ANPEP: variants seen among roughly 807,000 people sequenced by gnomAD.
The protein encoded by ANPEP is aminopeptidase N.
In ANPEP, 70 loss-of-function variants were observed where a neutral mutation model predicts 114.6. The ratio of observed to expected loss-of-function variants is 0.61; its 90% CI spans 0.50 to 0.75. ANPEP has a LOEUF of 0.75. Among genes scored for constraint, ANPEP ranks in the 30% least tolerant of loss-of-function variants. The probability of loss-of-function intolerance (pLI) is 0.00; values close to 1 mark genes in which losing one functional copy is unlikely to be tolerated. For synonymous variants in ANPEP, 548 were observed against 522.3 expected, an observed-to-expected ratio of 1.05 and a Z score of -0.67; for missense variants, 1,184 against 1,259.5, an observed-to-expected ratio of 0.94 and a Z score of 0.91.
rs535852628 is a variant in ANPEP, at chr15:89,804,007, G to A, written c.1180-5C>T. 8.7e-6 allele frequency: 14 copies of A among 1,613,372 alleles called. No individual in the cohort carries two copies. The Admixed American group carries it at 1.5e-4, about 17-fold the overall frequency. On this transcript the variant is annotated splice_region_variant and splice_polypyrimidine_tract_variant and intron_variant, in intron 6 of 20. Transcript: ENST00000300060. ...GGTCACCAGGTTCCCGAACCACTGT[G>A]GGGGGAGGGGTCAGCTGGGCAAGCC...
Position 89,792,202 on chromosome 15 carries a change from C to G in ANPEP, c.2486G>C (p.Arg829Pro), listed in dbSNP as rs375147227. The change falls in exon 18 of 21, where the codon CGG becomes CCG. Residue 829 changes from arginine to proline, a missense_variant. Transcript: ENST00000300060. The part of the protein sequence containing the change: ...ATLVNEADKL[R>P]AALACSKELW... ...CTCTTTGCTGCAGGCCAGGGCTGCC[C>G]GGAGCTTGTCAGCCTCATTGACCAG... 1 of 1,614,190 alleles carries G rather than the reference C, an allele frequency of 6.2e-7. No homozygotes were observed.
chr15:89,803,320 G>T lies in ANPEP; in HGVS notation c.1504-16C>A, dbSNP rs773008647. ...GGAGGTAGGACTGTGGAAAGACGGGGCACAGTGAGAGCACAGCTGGAGCCC... is the reference window on the plus strand; with the variant it reads ...GGAGGTAGGACTGTGGAAAGACGGGTCACAGTGAGAGCACAGCTGGAGCCC... On this transcript the variant is annotated splice_polypyrimidine_tract_variant and intron_variant, in intron 9 of 20. Coordinates refer to ENST00000300060, the MANE Select transcript of ANPEP (RefSeq NM_001150.3). The surrounding 1 kb of genome is among the most constrained non-coding windows in gnomAD (Gnocchi z 4.2). The T allele has an allele frequency of 4.3e-6, 7 of 1,613,862 alleles. No individual in the cohort carries two copies. The highest frequency in any genetic ancestry group is 2.7e-5 in the African/African-American group (2 of 74,932).
intron 1 of ANPEP, among the ~76,000 whole-genome samples, chr15:89,813,575 C>T (rs867434886): frequency 1.9e-4 from 29 of 152,222 alleles, no homozygotes; most frequent in Middle Eastern, 3.4e-3. Flanking sequence ...GCCTCATGGG[C>T]CCAGCACACC....
At chr15:89,789,780 A>AAAAAAAAG (rs1968581692) in intron 20 of ANPEP, among the ~76,000 whole-genome samples, 1 of 150,830 alleles carries the variant, frequency 6.6e-6, no homozygotes. Flanking sequence ...AGTCTCAAAA[A>AAAAAAAAG]AAAAAAAAAG....
chr15:89,795,569 T>G (rs1210044763), intron 15 of ANPEP, among the ~76,000 whole-genome samples: 1 of 152,048 alleles, frequency 6.6e-6, no homozygotes, highest in Non-Finnish European at 1.5e-5. Flanking sequence ...TAACTGGAAA[T>G]AAGAATGGCT....
chr15:89,797,382 G>T, intron 15 of ANPEP, 193 bp downstream of exon 15: 2 of 750,704 alleles, frequency 2.7e-6, no homozygotes, highest in Non-Finnish European at 4.0e-6. Flanking sequence ...TGTCCCTCCG[G>T]CTCGCTCTTT....
In ANPEP at chr15:89,814,425, C is replaced by T. The variant is rs569223791; in HGVS notation, c.-224+347G>A. The stretch of plus-strand genomic sequence containing the variant: ...GTGGCCGCGGCCGAGCCGGGTCCAC[C>T]CGCCGCAGCTTAGCTCCGCTCCGCC... On this transcript the variant is annotated intron_variant, in intron 1 of 20. Transcript: ENST00000300060. 2.0e-5 allele frequency among the ~76,000 whole-genome samples: 3 copies of T among 152,306 alleles called. No individual in the cohort carries two copies. The East Asian group carries it at 5.8e-4, about 30-fold the overall frequency.
intron 18 of ANPEP, among the ~76,000 whole-genome samples, chr15:89,791,606 T>A (rs1968628807): frequency 6.6e-6 from 1 of 151,514 alleles, no homozygotes; most frequent in Non-Finnish European, 1.5e-5. Context: ...CCTATTTTTT[T>A]TTTTTTTTTG....
At chr15:89,796,484 CTT>C (rs35626130) in intron 15 of ANPEP, among the ~76,000 whole-genome samples, 7 of 148,950 alleles carry the variant, frequency 4.7e-5, no homozygotes, top group East Asian at 3.9e-4. Flanking sequence ...GATAATTGAA[CTT>C]TTTTTTTTTC....
In ANPEP at chr15:89,792,032, GAAA is replaced by G; in HGVS notation, c.2528+125_2528+127del. ...CTTCCAGTCTGCACCGGTTACTTTG[GAAA>G]TACTGCCTCCACCTCAACAGGTCTG... On this transcript the variant is annotated intron_variant, in intron 18 of 20. Coordinates refer to ENST00000300060, the MANE Select transcript of ANPEP (RefSeq NM_001150.3). The G allele has an allele frequency of 6.1e-6, 7 of 1,149,628 alleles. No individual in the cohort carries two copies. In the South Asian group the frequency reaches 1.1e-4, roughly 18 times the overall value. 71.2% of individuals were successfully genotyped at this position (1,149,628 alleles called of 1,614,324 possible). A position where few individuals can be genotyped will look rare whatever the true frequency, so the allele number is the denominator to read the frequency against.
At chr15:89,804,186 T>C in intron 6 of ANPEP, 67 bp downstream of exon 6, 5 of 1,600,768 alleles carry the variant, frequency 3.1e-6, no homozygotes, top group Non-Finnish European at 4.3e-6. Flanking sequence ...GGGCAGAGCC[T>C]GGACTTGCGC....
Position 89,803,529 on chromosome 15 carries a change from G to A in ANPEP, c.1438-22C>T, listed in dbSNP as rs762514653. On this transcript the variant is annotated intron_variant, in intron 8 of 20. Transcript: ENST00000300060. This position sits in a 1 kb window ranked among gnomAD's most constrained non-coding sequence, Gnocchi z 4.2. Reference sequence around the variant, plus strand: ...CGCCCTGGGGTGGGGGTGAGGGGGCGCTCAGAAGGCTGTGCAGAGCCACCA... The same window carrying A: ...CGCCCTGGGGTGGGGGTGAGGGGGCACTCAGAAGGCTGTGCAGAGCCACCA... The A allele has an allele frequency of 1.9e-5, 30 of 1,605,294 alleles. No homozygotes were observed. Among genetic ancestry groups the A allele is most frequent in the Middle Eastern group, 1.7e-4 (1 of 5,932 alleles).
chr15:89,805,487 G>A (rs1464649276), intron 2 of ANPEP, 24 bp from the exon 3 acceptor site: 3 of 1,613,056 alleles, frequency 1.9e-6, no homozygotes, highest in Admixed American at 1.7e-5. Context: ...AAGGTTAGAG[G>A]GTGTGCCAGA....
chr15:89,785,753 A>G (rs2141782476), intron 20 of ANPEP, among the ~76,000 whole-genome samples: 1 of 152,368 alleles, frequency 6.6e-6, no homozygotes, highest in Middle Eastern at 3.4e-3. Flanking sequence ...ATATTTTATT[A>G]TAATATCAAT....
At position 89,788,140 on chromosome 15, in the gene ANPEP, C is replaced by A. The variant is rs919087939; in HGVS notation, c.2751+2320G>T. On this transcript the variant is annotated intron_variant, in intron 20 of 20. Transcript: ENST00000300060. Reference sequence around the variant, plus strand: ...CAGCAATTCCGCTCCTAGGTGTATACCCAAGATAAATTAAAACATGTTTGT... The same window carrying A: ...CAGCAATTCCGCTCCTAGGTGTATAACCAAGATAAATTAAAACATGTTTGT... Among the ~76,000 whole-genome samples the A allele has an allele frequency of 5.3e-5, 8 of 152,290 alleles. No individual in the cohort carries two copies. The South Asian group carries it at 6.2e-4, about 12-fold the overall frequency.
chr15:89,807,199 C>T (rs939124607), intron 1 of ANPEP, among the ~76,000 whole-genome samples: 3 of 152,164 alleles, frequency 2.0e-5, no homozygotes, highest in Non-Finnish European at 4.4e-5. Flanking sequence ...AATACTTTTT[C>T]CTCCATTATC....
chr15:89,799,606 G>A lies in ANPEP; in HGVS notation c.1820-47C>T. ...GGGCAGGGCTGCTCAGAGGCCATGGGCTGACCCCTGGACCTCTTGCAAGAG... is the reference window on the plus strand; with the variant it reads ...GGGCAGGGCTGCTCAGAGGCCATGGACTGACCCCTGGACCTCTTGCAAGAG... On this transcript the variant is annotated intron_variant, in intron 12 of 20. Transcript: ENST00000300060. The surrounding 1 kb of genome is among the most constrained non-coding windows in gnomAD (Gnocchi z 4.2). 1 of 1,613,010 alleles carries A rather than the reference G, an allele frequency of 6.2e-7. No homozygotes were observed. The highest frequency in any genetic ancestry group is 1.1e-5 in the South Asian group (1 of 91,044).
At position 89,803,002 on chromosome 15, in the gene ANPEP, G is replaced by A. The variant is rs905774052; in HGVS notation, c.1569+237C>T. On this transcript the variant is annotated intron_variant, in intron 10 of 20. Transcript: ENST00000300060. The surrounding 1 kb of genome is among the most constrained non-coding windows in gnomAD (Gnocchi z 4.2). The stretch of plus-strand genomic sequence containing the variant: ...CTCTACAGCTCCCATCAAGAAGCCC[G>A]CTGTAGCCTGAGGTCAGCTGCTGGC... Among the ~76,000 whole-genome samples the A allele has an allele frequency of 9.9e-5, 15 of 152,072 alleles. No individual in the cohort carries two copies. Among genetic ancestry groups the A allele is most frequent in the Admixed American group, 7.9e-4 (12 of 15,260 alleles).
At position 89,806,561 on chromosome 15, in the gene ANPEP, G is replaced by A. The variant is rs952769355; in HGVS notation, c.23C>T (p.Ser8Phe). Residue 8 changes from serine to phenylalanine, a missense_variant, in exon 2 of 21, where the codon TCC (serine) becomes TTC (phenylalanine). Transcript: ENST00000300060. This position sits in a 1 kb window ranked among gnomAD's most constrained non-coding sequence, Gnocchi z 5.7. ...GATCCCCAGGATGCCCAGGGACTTG[G>A]AAATATAGAAGCCCTTGGCCATGGT... MAKGFYI[S>F]KSLGILGILL... 4 of 1,608,424 alleles carry A rather than the reference G, an allele frequency of 2.5e-6. No individual in the cohort carries two copies. Among genetic ancestry groups the A allele is most frequent in the Non-Finnish European group, 2.6e-6 (3 of 1,176,340 alleles).
Sources: gnomAD v4.1 joint callset for allele counts (sites outside exome capture counted in the v4.1 genomes callset) on GRCh38, gnomAD v4.1.1 for gene constraint, Gnocchi (gnomAD v3.1) non-coding constraint, MANE v1.5 for transcripts, NCBI Gene and HGNC (gene_info 2026-07-23, HGNC 2026-07-21) for gene names.